SHISA9: variants seen among roughly 807,000 people sequenced by gnomAD.
SHISA9 encodes the protein shisa family member 9.
In SHISA9, 13 loss-of-function variants were observed where a neutral mutation model predicts 38.0. The observed-to-expected ratio is 0.34, with a 90% CI of 0.22 to 0.54. The LOEUF is 0.54. SHISA9 is among the 20% of genes least tolerant of loss of function. The pLI is 0.91. For synonymous variants in SHISA9, 275 were observed against 242.0 expected, an observed-to-expected ratio of 1.14 and a Z score of -1.27; for missense variants, 538 against 575.8, an observed-to-expected ratio of 0.93 and a Z score of 0.67.
chr16:13,539,358 T>TATATATATAA, the SHISA9 span, among the ~76,000 whole-genome samples: 27 of 65,336 alleles, frequency 4.1e-4, no homozygotes, highest in Admixed American at 1.7e-3. Flanking sequence ...TATATATATA[T>TATATATATAA]AAAGACAGGA....
the SHISA9 span, among the ~76,000 whole-genome samples, chr16:13,433,740 G>A: frequency 6.6e-6 from 1 of 152,234 alleles, no homozygotes; most frequent in Non-Finnish European, 1.5e-5. Context: ...ATTCATAGAA[G>A]AGGTAGCATT....
At chr16:13,349,147 T>C in the SHISA9 span, among the ~76,000 whole-genome samples, 1 of 152,214 alleles carries the variant, frequency 6.6e-6, no homozygotes, top group African/African-American at 2.4e-5. Flanking sequence ...ATCTAGGATC[T>C]TTATATAGCA....
the SHISA9 span, among the ~76,000 whole-genome samples, chr16:13,424,094 C>A: frequency 1.3e-5 from 2 of 152,236 alleles, no homozygotes; most frequent in African/African-American, 4.8e-5. Flanking sequence ...ACTGGCCCCA[C>A]ACAGTCCCAA....
At chr16:13,102,992 A>G (rs1163094481) in intron 2 of SHISA9, among the ~76,000 whole-genome samples, 1 of 152,182 alleles carries the variant, frequency 6.6e-6, no homozygotes, top group African/African-American at 2.4e-5. Flanking sequence ...TATCCTTTCA[A>G]AAACTTTTGT....
At chr16:12,983,354 A>T (rs1456687244) in intron 2 of SHISA9, among the ~76,000 whole-genome samples, 2 of 152,170 alleles carry the variant, frequency 1.3e-5, no homozygotes, top group African/African-American at 4.8e-5. Flanking sequence ...GGAAAACGGG[A>T]ATGTTTGTCC....
At chr16:13,002,044 T>A (rs907749487) in intron 2 of SHISA9, among the ~76,000 whole-genome samples, 1 of 152,224 alleles carries the variant, frequency 6.6e-6, no homozygotes, top group Non-Finnish European at 1.5e-5. Flanking sequence ...ATGGATTTAA[T>A]TGGCCTGGAA....
chr16:13,332,123 C>G, the SHISA9 span: 113 of 152,134 alleles, frequency 7.4e-4, no homozygotes, highest in African/African-American at 2.5e-3. Flanking sequence ...ACAACAACAA[C>G]AACAAAAAAC....
At chr16:13,127,431 G>T (rs1298084638) in intron 2 of SHISA9, among the ~76,000 whole-genome samples, 2 of 146,490 alleles carry the variant, frequency 1.4e-5, no homozygotes, top group Non-Finnish European at 3.0e-5. Flanking sequence ...AGGGAGAGAG[G>T]GATAGGGAGA....
chr16:13,094,228 G>A (rs1008371351), intron 2 of SHISA9, among the ~76,000 whole-genome samples: 1 of 152,116 alleles, frequency 6.6e-6, no homozygotes, highest in East Asian at 1.9e-4. Flanking sequence ...AGAGGAGGCA[G>A]TTTTTCTCCC....
the SHISA9 span, among the ~76,000 whole-genome samples, chr16:13,451,029 G>C: frequency 6.6e-6 from 1 of 152,074 alleles, no homozygotes. Context: ...ACTTTCTCCG[G>C]CCACCAGAGC....
At chr16:12,957,107 A>G (rs1466640985) in intron 2 of SHISA9, among the ~76,000 whole-genome samples, 1 of 151,982 alleles carries the variant, frequency 6.6e-6, no homozygotes, top group East Asian at 1.9e-4. Context: ...CCTCTCCCTT[A>G]CAAAATGAAA....
At chr16:13,149,206 A>G (rs573896304) in intron 2 of SHISA9, among the ~76,000 whole-genome samples, 19 of 152,236 alleles carry the variant, frequency 1.2e-4, no homozygotes, top group African/African-American at 4.1e-4. Context: ...ATCTTGCCAT[A>G]TGCTCCTTCT....
At chr16:13,162,572 C>T (rs76338623) in intron 2 of SHISA9, among the ~76,000 whole-genome samples, 2,757 of 152,286 alleles carry the variant, frequency 0.018, 84 homozygotes, top group African/African-American at 0.063. Context: ...TCCAAACTCT[C>T]CTCTCTGGTA....
intron 2 of SHISA9, among the ~76,000 whole-genome samples, chr16:13,084,051 A>C (rs996742640): frequency 6.6e-6 from 1 of 152,148 alleles, no homozygotes; most frequent in South Asian, 2.1e-4. Context: ...TGAGGAGGCA[A>C]ATTTCTTGCC....
intron 2 of SHISA9, among the ~76,000 whole-genome samples, chr16:12,929,013 T>A (rs780099451): frequency 6.6e-6 from 1 of 152,170 alleles, no homozygotes; most frequent in Non-Finnish European, 1.5e-5. Flanking sequence ...AAAGAAGACA[T>A]ACATGTGGCC....
intron 2 of SHISA9, among the ~76,000 whole-genome samples, chr16:13,151,598 G>C (rs2050500086): frequency 6.6e-6 from 1 of 152,018 alleles, no homozygotes; most frequent in Non-Finnish European, 1.5e-5. Flanking sequence ...CTCTACTCTT[G>C]TTATATAAAG....
intron 3 of SHISA9, among the ~76,000 whole-genome samples, chr16:13,206,141 T>A (rs1263466094): frequency 1.3e-5 from 2 of 152,084 alleles, no homozygotes; most frequent in East Asian, 3.9e-4. Context: ...TGTCAGAAGC[T>A]CCGAAGCATT....
At chr16:13,411,354 G>A in the SHISA9 span, among the ~76,000 whole-genome samples, 1 of 152,170 alleles carries the variant, frequency 6.6e-6, no homozygotes, top group African/African-American at 2.4e-5. Context: ...TGTGGTCCTG[G>A]GCAGAGTAAT....
the SHISA9 span, among the ~76,000 whole-genome samples, chr16:13,420,245 C>CAAAAAAAAAAAAAAA: frequency 1.4e-4 from 7 of 50,400 alleles, no homozygotes; most frequent in East Asian, 7.2e-4. Context: ...GAATCTGTTT[C>CAAAAAAAAAAAAAAA]AAAAAAAAAA....
Sources: gnomAD v4.1 joint callset for allele counts (sites outside exome capture counted in the v4.1 genomes callset) on GRCh38, gnomAD v4.1.1 for gene constraint, MANE v1.5 for transcripts, NCBI Gene and HGNC (gene_info 2026-07-23, HGNC 2026-07-21) for gene names.